Variants in SLCO3A1 observed in about 807,000 individuals in gnomAD.
SLCO3A1 encodes PGE1 transporter.
In SLCO3A1, 27 loss-of-function variants were observed where a neutral mutation model predicts 63.1. The observed-to-expected ratio is 0.43, with a 90% confidence interval of 0.32 to 0.59. The LOEUF is 0.59. Among genes scored for constraint, SLCO3A1 ranks in the 20% least tolerant of loss-of-function variants. SLCO3A1 has a pLI of 0.09. For synonymous variants in SLCO3A1, 473 were observed against 409.9 expected, an observed-to-expected ratio of 1.15 and a Z score of -1.86; for missense variants, 773 against 945.8, an observed-to-expected ratio of 0.82 and a Z score of 2.40.
chr15:92,159,341 C>T (rs1217930764), intron 9 of SLCO3A1, among the ~76,000 whole-genome samples: 1 of 151,902 alleles, frequency 6.6e-6, no homozygotes, highest in Non-Finnish European at 1.5e-5. Flanking sequence ...AAAAATTAGC[C>T]GGGCGTGGTG....
At chr15:92,157,820 A>G (rs1441927943) in intron 9 of SLCO3A1, among the ~76,000 whole-genome samples, 1 of 152,202 alleles carries the variant, frequency 6.6e-6, no homozygotes, top group African/African-American at 2.4e-5. Flanking sequence ...GGCTTTCTCA[A>G]ATGGCATCCC....
At chr15:91,964,071 T>G (rs774780768) in intron 2 of SLCO3A1, among the ~76,000 whole-genome samples, 2 of 152,142 alleles carry the variant, frequency 1.3e-5, no homozygotes, top group Non-Finnish European at 2.9e-5. Flanking sequence ...GACACAAAAG[T>G]TCTCCAAGTC....
At chr15:92,004,021 G>T (rs1206603138) in intron 2 of SLCO3A1, among the ~76,000 whole-genome samples, 6 of 152,222 alleles carry the variant, frequency 3.9e-5, no homozygotes, top group African/African-American at 1.4e-4. Context: ...ATAGGTTGGT[G>T]CCTTATGGTA....
chr15:92,040,187 A>G (rs28619021), intron 2 of SLCO3A1, among the ~76,000 whole-genome samples: 29,333 of 152,146 alleles, frequency 0.19, 3,878 homozygotes, highest in African/African-American at 0.37. Flanking sequence ...CACGTTCTGC[A>G]CTTGTATCCC....
intron 2 of SLCO3A1, among the ~76,000 whole-genome samples, chr15:92,070,157 T>C (rs751918241): frequency 1.3e-4 from 20 of 152,232 alleles, no homozygotes; most frequent in Non-Finnish European, 2.6e-4. Flanking sequence ...TCACGCTCTC[T>C]GAGCATCTCG....
At chr15:91,946,876 A>T (rs942126903) in intron 2 of SLCO3A1, among the ~76,000 whole-genome samples, 3 of 152,156 alleles carry the variant, frequency 2.0e-5, no homozygotes, top group Non-Finnish European at 4.4e-5. Context: ...CTTCTAGCCA[A>T]CGGAACCTGC....
intron 1 of SLCO3A1, among the ~76,000 whole-genome samples, chr15:91,909,793 G>T (rs1898427012): frequency 6.6e-6 from 1 of 152,186 alleles, no homozygotes; most frequent in Non-Finnish European, 1.5e-5. Flanking sequence ...CACCTTGTTT[G>T]TTCCATGCCT....
chr15:91,948,750 A>G lies in SLCO3A1; in HGVS notation c.646+32292A>G, dbSNP rs900184388. 2.6e-5 allele frequency among the ~76,000 whole-genome samples: 4 copies of G among 152,114 alleles called. No homozygotes were observed. In the East Asian group the frequency reaches 5.8e-4, roughly 22 times the overall value. On this transcript the variant is annotated intron_variant, in intron 2 of 9. Transcript: ENST00000318445. This position sits in a 1 kb window ranked among gnomAD's most constrained non-coding sequence, Gnocchi z 4.8. ...GAAGTGGAAAGTCAGTCTGGGATGT[A>G]AAGTTGGAAGTCAGGGTCCTTTGGG...
intron 1 of SLCO3A1, among the ~76,000 whole-genome samples, chr15:91,915,160 T>C (rs549307748): frequency 2.3e-4 from 35 of 152,112 alleles, no homozygotes; most frequent in Non-Finnish European, 3.8e-4. Flanking sequence ...AGTCCCTTTG[T>C]GTTATTCTTA....
rs199722906 is a variant in SLCO3A1, at chr15:92,126,131, G to T, written c.1245G>T (p.Leu415=). 4.3e-6 allele frequency: 7 copies of T among 1,613,850 alleles called. No individual in the cohort carries two copies. The highest frequency in any genetic ancestry group is 1.7e-5 in the Admixed American group (1 of 59,982). Residue 415 remains leucine, a synonymous_variant, in exon 6 of 10, where the codon CTG becomes CTT. Coordinates refer to ENST00000318445, the MANE Select transcript of SLCO3A1 (RefSeq NM_013272.4). ...GTCTTTTGGTGAAGAAGCTCAGCCTGTCTGCCCTGGGGGCCATTCGGATGG... is the reference window on the plus strand; with the variant it reads ...GTCTTTTGGTGAAGAAGCTCAGCCTTTCTGCCCTGGGGGCCATTCGGATGG... ...LGGLLVKKLS[L]SALGAIRMAM...
At chr15:92,107,700 C>G (rs1461858887) in intron 4 of SLCO3A1, among the ~76,000 whole-genome samples, 2 of 152,330 alleles carry the variant, frequency 1.3e-5, no homozygotes, top group East Asian at 1.9e-4. Flanking sequence ...GCTCTGCAGA[C>G]AGCAAAGGCC....
At chr15:91,878,431 T>C (rs1897459723) in intron 1 of SLCO3A1, among the ~76,000 whole-genome samples, 1 of 152,176 alleles carries the variant, frequency 6.6e-6, no homozygotes, top group African/African-American at 2.4e-5. Context: ...TCACTGTCCT[T>C]GGTAGTAGCC....
Position 91,854,711 on chromosome 15 carries a change from A to G in SLCO3A1, c.180+623A>G, listed in dbSNP as rs1896869902. ...CTCTTTGAGCGTCTGGGATAAAGTTACGGTACCTAGAGAGCAGCTGCGAGT... is the reference window on the plus strand; with the variant it reads ...CTCTTTGAGCGTCTGGGATAAAGTTGCGGTACCTAGAGAGCAGCTGCGAGT... On this transcript the variant is annotated intron_variant, in intron 1 of 9. Transcript: ENST00000318445. This position sits in a 1 kb window ranked among gnomAD's most constrained non-coding sequence, Gnocchi z 6.4. Among the ~76,000 whole-genome samples, 1 of 152,168 alleles carries G rather than the reference A, an allele frequency of 6.6e-6. No individual in the cohort carries two copies. Among genetic ancestry groups the G allele is most frequent in the Admixed American group, 6.5e-5 (1 of 15,286 alleles).
In SLCO3A1 at chr15:92,163,555, TTA is replaced by T. The variant is rs559296602; in HGVS notation, c.*421_*422del. On this transcript the variant is annotated 3_prime_UTR_variant, in exon 10 of 10. Transcript: ENST00000318445. ...AAGAAGTTTCCTAAAATAAAAAAAATTAAAAAAAAAAAACCCACAAGTTGAAA... is the reference window on the plus strand; with the variant it reads ...AAGAAGTTTCCTAAAATAAAAAAAATAAAAAAAAAAACCCACAAGTTGAAA... The T allele has an allele frequency of 0.012, 6,394 of 521,916 alleles. 73 individuals are homozygous for T. In the African/African-American group the frequency reaches 0.18, roughly 15 times the overall value. 32.3% of individuals were successfully genotyped at this position (521,916 alleles called of 1,614,324 possible). A position where few individuals can be genotyped will look rare whatever the true frequency, so the allele number is the denominator to read the frequency against.
intron 2 of SLCO3A1, among the ~76,000 whole-genome samples, chr15:92,028,967 C>T (rs1412488433): frequency 2.1e-5 from 2 of 96,642 alleles, no homozygotes; most frequent in Admixed American, 2.4e-4. Context: ...AAACCCCTGA[C>T]CCATGGTCAA....
chr15:92,171,663 T>C lies in SLCO3A1; in HGVS notation c.1997-117T>C. The C allele has an allele frequency of 4.0e-6, 3 of 741,200 alleles. 1 individual carries two copies. The highest frequency in any genetic ancestry group is 3.2e-5 in the South Asian group (2 of 61,856). 45.9% of individuals were successfully genotyped at this position (741,200 alleles called of 1,614,324 possible). A position where few individuals can be genotyped will look rare whatever the true frequency, so the allele number is the denominator to read the frequency against. ...GCACTTTATTGCTTTGACTGCCTAC[T>C]CTTGTCCCTTCACTGCAAAGCCATC... On this transcript the variant is annotated intron_variant, in intron 10 of 10. Coordinates refer to the SLCO3A1 transcript ENST00000424469.
chr15:92,161,324 C>T (rs1319601870), intron 9 of SLCO3A1, among the ~76,000 whole-genome samples: 2 of 152,194 alleles, frequency 1.3e-5, no homozygotes, highest in Non-Finnish European at 2.9e-5. Context: ...CTGTGCTGCA[C>T]ACCAAATGCT....
At chr15:92,022,546 G>A (rs987533033) in intron 2 of SLCO3A1, among the ~76,000 whole-genome samples, 2 of 152,184 alleles carry the variant, frequency 1.3e-5, no homozygotes, top group African/African-American at 2.4e-5. Context: ...ATTACAAAAC[G>A]CTCGTGAGAG....
chr15:91,956,232 G>A (rs1900172573), intron 2 of SLCO3A1, among the ~76,000 whole-genome samples: 1 of 152,140 alleles, frequency 6.6e-6, no homozygotes, highest in African/African-American at 2.4e-5. Flanking sequence ...TTCCCTGGTG[G>A]CTTCTCAGCA....
Sources: gnomAD v4.1 joint callset for allele counts (sites outside exome capture counted in the v4.1 genomes callset) on GRCh38, gnomAD v4.1.1 for gene constraint, Gnocchi (gnomAD v3.1) non-coding constraint, MANE v1.5 for transcripts, NCBI Gene and HGNC (gene_info 2026-07-23, HGNC 2026-07-21) for gene names.